The following DISC1 variants were observed in gnomAD, a reference collection of about 807,000 sequenced individuals.
DISC1 encodes the protein disrupted in schizophrenia 1 protein.
Under a neutral mutation model 84.5 loss-of-function variants are expected in DISC1, and 57 were observed. The ratio of observed to expected loss-of-function variants is 0.67; its 90% CI spans 0.55 to 0.84. The LOEUF (loss-of-function observed/expected upper bound fraction) is 0.84. DISC1 is among the 40% of genes least tolerant of loss of function. The pLI, the probability that DISC1 is intolerant of heterozygous loss-of-function variation, is 0.00. For synonymous variants in DISC1, 411 were observed against 415.2 expected (o/e 0.99, Z 0.12); for missense variants, 1,000 against 1,057.8 (o/e 0.95, Z 0.76).
At chr1:231,971,443 C>G (rs138605626) in intron 10 of DISC1, among the ~76,000 whole-genome samples, 1 of 152,186 alleles carries the variant, frequency 6.6e-6, no homozygotes. Flanking sequence ...GCTCAATGTC[C>G]TTATCTCACT....
intron 1 of DISC1, among the ~76,000 whole-genome samples, chr1:231,634,957 A>C (rs1283939594): frequency 1.3e-5 from 2 of 152,042 alleles, no homozygotes; most frequent in African/African-American, 4.8e-5. Context: ...AAAACCAAAA[A>C]TGTAGATTGT....
chr1:231,683,790 C>T (rs1227595212), intron 1 of DISC1, among the ~76,000 whole-genome samples: 1 of 151,920 alleles, frequency 6.6e-6, no homozygotes, highest in African/African-American at 2.4e-5. Context: ...TTGGCCCTGT[C>T]CTCTCGGTCC....
intron 1 of DISC1, among the ~76,000 whole-genome samples, chr1:231,671,494 C>T (rs1349804068): frequency 6.6e-6 from 1 of 152,138 alleles, no homozygotes; most frequent in African/African-American, 2.4e-5. Flanking sequence ...AAAAAATTAA[C>T]ATTACCATAG....
intron 9 of DISC1, among the ~76,000 whole-genome samples, chr1:231,856,455 T>A (rs201921212): frequency 4.6e-5 from 7 of 152,192 alleles, no homozygotes; most frequent in Non-Finnish European, 1.0e-4. Flanking sequence ...CTGTCATATT[T>A]ATTTTAAGGA....
At chr1:231,664,901 T>C (rs1200332413) in intron 1 of DISC1, among the ~76,000 whole-genome samples, 1 of 145,214 alleles carries the variant, frequency 6.9e-6, no homozygotes, top group Non-Finnish European at 1.5e-5. Flanking sequence ...ATCCTAGAAA[T>C]ATAAAAAAAA....
chr1:231,717,529 C>T (rs1460948148), intron 3 of DISC1, among the ~76,000 whole-genome samples: 2 of 152,098 alleles, frequency 1.3e-5, no homozygotes, highest in Admixed American at 1.3e-4. Flanking sequence ...CCTGCATTGG[C>T]CATTTCAGTT....
chr1:231,743,108 G>A (rs1046053712), intron 3 of DISC1, among the ~76,000 whole-genome samples: 3 of 152,166 alleles, frequency 2.0e-5, no homozygotes, highest in Non-Finnish European at 4.4e-5. Flanking sequence ...TTTTCATCTG[G>A]CAGTGGATGG....
chr1:232,002,491 G>A (rs1268883565), intron 10 of DISC1, among the ~76,000 whole-genome samples: 1 of 151,952 alleles, frequency 6.6e-6, no homozygotes, highest in East Asian at 1.9e-4. Flanking sequence ...CTTTCTGTGG[G>A]TGAATGGTTA....
At chr1:231,689,856 A>AG (rs1327819297) in intron 1 of DISC1, among the ~76,000 whole-genome samples, 1 of 152,140 alleles carries the variant, frequency 6.6e-6, no homozygotes, top group East Asian at 1.9e-4. Context: ...AACAATACTT[A>AG]GGGGGGAATG....
chr1:232,022,035 A>G (rs1052788296), intron 11 of DISC1, among the ~76,000 whole-genome samples: 4 of 152,190 alleles, frequency 2.6e-5, no homozygotes, highest in African/African-American at 9.7e-5. Context: ...GTCACCTTTT[A>G]TGACCTGACT....
intron 6 of DISC1, among the ~76,000 whole-genome samples, chr1:231,778,211 C>T (rs983535272): frequency 2.0e-5 from 3 of 152,140 alleles, no homozygotes; most frequent in South Asian, 2.1e-4. Flanking sequence ...GTCTGTCAGA[C>T]GTTCCAAAGA....
intron 9 of DISC1, among the ~76,000 whole-genome samples, chr1:231,874,399 T>G (rs1421698611): frequency 6.6e-6 from 1 of 151,410 alleles, no homozygotes; most frequent in African/African-American, 2.4e-5. Context: ...GACCTCCTGA[T>G]CTGCCCACCT....
intron 11 of DISC1, among the ~76,000 whole-genome samples, chr1:232,020,528 A>G (rs1668867495): frequency 6.6e-6 from 1 of 152,128 alleles, no homozygotes; most frequent in Non-Finnish European, 1.5e-5. Flanking sequence ...AAGGAGGCAG[A>G]TCTTTGTAAA....
At chr1:231,790,157 G>A (rs112690654) in intron 6 of DISC1, among the ~76,000 whole-genome samples, 1 of 152,276 alleles carries the variant, frequency 6.6e-6, no homozygotes, top group African/African-American at 2.4e-5. Flanking sequence ...AAAGAGTGCC[G>A]TGTTTTCTGT....
At chr1:231,856,693 C>T (rs2084296512) in intron 9 of DISC1, among the ~76,000 whole-genome samples, 1 of 152,184 alleles carries the variant, frequency 6.6e-6, no homozygotes, top group Admixed American at 6.5e-5. Flanking sequence ...CAGTGGGGAA[C>T]TGAAGTCATG....
At chr1:231,714,949 A>G (rs2068481948) in intron 3 of DISC1, among the ~76,000 whole-genome samples, 1 of 152,228 alleles carries the variant, frequency 6.6e-6, no homozygotes. Flanking sequence ...AAGAATGTCA[A>G]AGAACTTGTG....
intron 3 of DISC1, among the ~76,000 whole-genome samples, chr1:231,711,357 CTTT>C (rs57262026): frequency 1.8e-5 from 2 of 111,302 alleles, no homozygotes; most frequent in African/African-American, 3.5e-5. Flanking sequence ...GGACATATTT[CTTT>C]TTTTTTTTTT....
intron 1 of DISC1, among the ~76,000 whole-genome samples, chr1:231,670,997 G>C (rs889884794): frequency 6.6e-6 from 1 of 152,128 alleles, no homozygotes; most frequent in African/African-American, 2.4e-5. Context: ...CATCCAAACT[G>C]TATAGGGAGT....
chr1:231,810,537 C>T (rs1054072031), intron 8 of DISC1, among the ~76,000 whole-genome samples: 1 of 152,138 alleles, frequency 6.6e-6, no homozygotes, highest in Non-Finnish European at 1.5e-5. Flanking sequence ...AGCTATTATG[C>T]AGAGCTTGCT....
Sources: gnomAD v4.1 joint callset for allele counts (sites outside exome capture counted in the v4.1 genomes callset) on GRCh38, gnomAD v4.1.1 for gene constraint, MANE v1.5 for transcripts, NCBI Gene and HGNC (gene_info 2026-07-23, HGNC 2026-07-21) for gene names.